The following NTN1 variants were observed in gnomAD, a reference collection of about 807,000 sequenced individuals.
The protein encoded by NTN1 is netrin 1.
In NTN1, 11 loss-of-function variants were observed where a neutral mutation model predicts 54.2. The observed-to-expected ratio is 0.20, with a 90% CI of 0.13 to 0.34. The LOEUF (loss-of-function observed/expected upper bound fraction) is 0.34. Ranked by LOEUF, NTN1 falls within the 10% of genes least tolerant of loss-of-function variation. The pLI is 1.00. For missense variants in NTN1, 740 were observed against 893.1 expected, an observed-to-expected ratio of 0.83 and a Z score of 2.18; for synonymous variants, 371 against 382.0, an observed-to-expected ratio of 0.97 and a Z score of 0.33.
intron 2 of NTN1, among the ~76,000 whole-genome samples, chr17:9,112,242 A>G (rs1397871667): frequency 6.6e-6 from 1 of 152,232 alleles, no homozygotes; most frequent in Admixed American, 6.5e-5. Context: ...TTTTGAAGAT[A>G]AGTAAAGAGA....
chr17:9,040,797 CTT>C (rs147482508), intron 2 of NTN1, among the ~76,000 whole-genome samples: 1 of 148,480 alleles, frequency 6.7e-6, no homozygotes, highest in African/African-American at 2.5e-5. Context: ...CTCTTTCTTA[CTT>C]TTTTTTTTGT....
chr17:9,144,944 A>G (rs2092309012), intron 2 of NTN1, among the ~76,000 whole-genome samples: 1 of 152,206 alleles, frequency 6.6e-6, no homozygotes, highest in South Asian at 2.1e-4. Context: ...AGGCAGACAC[A>G]CCGGTCTGTG....
intron 3 of NTN1, chr17:9,178,829 A>C (rs956794338): frequency 6.6e-6 from 1 of 152,410 alleles, no homozygotes; most frequent in Non-Finnish European, 1.5e-5. Flanking sequence ...AGGACTTAGC[A>C]GGGAACGCTG....
intron 2 of NTN1, among the ~76,000 whole-genome samples, chr17:9,156,279 A>G (rs1394814624): frequency 2.0e-5 from 3 of 149,134 alleles, no homozygotes; most frequent in Non-Finnish European, 4.4e-5. Flanking sequence ...TATGCTACAG[A>G]GATAACATGG....
At chr17:9,007,775 A>C in the NTN1 span, among the ~76,000 whole-genome samples, 1 of 151,030 alleles carries the variant, frequency 6.6e-6, no homozygotes, top group Non-Finnish European at 1.5e-5. Flanking sequence ...TCTGTCACCC[A>C]GGCTGGAGTA....
At chr17:9,109,941 G>C (rs2092184444) in intron 2 of NTN1, among the ~76,000 whole-genome samples, 1 of 152,218 alleles carries the variant, frequency 6.6e-6, no homozygotes, top group Non-Finnish European at 1.5e-5. Context: ...TTCATAGCTA[G>C]TGTGTGTCTT....
chr17:9,236,834 G>C (rs535083352), intron 6 of NTN1, among the ~76,000 whole-genome samples: 1 of 152,354 alleles, frequency 6.6e-6, no homozygotes, highest in East Asian at 1.9e-4. Context: ...ACAGGGGGCT[G>C]CTTTGGATGC....
At chr17:9,043,737 C>CCAT (rs2091931015) in intron 2 of NTN1, among the ~76,000 whole-genome samples, 1 of 151,962 alleles carries the variant, frequency 6.6e-6, no homozygotes, top group Admixed American at 6.6e-5. Context: ...TGTGTCACCA[C>CCAT]GCCTGGCTAA....
intron 2 of NTN1, among the ~76,000 whole-genome samples, chr17:9,076,067 TC>T (rs2142220043): frequency 6.6e-6 from 1 of 152,264 alleles, no homozygotes; most frequent in South Asian, 2.1e-4. Context: ...AGGAGGTGAT[TC>T]CCCATGGTCC....
At chr17:9,193,938 A>AAAAAAAAAAAAAAAACAAAAAAC in intron 5 of NTN1, among the ~76,000 whole-genome samples, 1 of 108,402 alleles carries the variant, frequency 9.2e-6, no homozygotes, top group Non-Finnish European at 1.9e-5. Flanking sequence ...AAAAAAAAAA[A>AAAAAAAAAAAAAAAACAAAAAAC]AAAAAACATT....
chr17:9,098,936 C>T (rs981251918), intron 2 of NTN1, among the ~76,000 whole-genome samples: 1 of 152,216 alleles, frequency 6.6e-6, no homozygotes, highest in African/African-American at 2.4e-5. Context: ...AGGGAACACA[C>T]TGGTAACATT....
chr17:9,168,342 G>A (rs951524576), intron 3 of NTN1, among the ~76,000 whole-genome samples: 2 of 152,158 alleles, frequency 1.3e-5, no homozygotes, highest in African/African-American at 4.8e-5. Context: ...AGACTAGCCT[G>A]ACCAACATGG....
the NTN1 span, among the ~76,000 whole-genome samples, chr17:9,008,940 C>T: frequency 1.3e-5 from 2 of 152,180 alleles, no homozygotes; most frequent in African/African-American, 4.8e-5. Flanking sequence ...ACCTGGGAGG[C>T]TGAGGCAGGA....
intron 6 of NTN1, among the ~76,000 whole-genome samples, chr17:9,237,245 C>G (rs933708627): frequency 6.6e-6 from 1 of 152,164 alleles, no homozygotes; most frequent in African/African-American, 2.4e-5. Flanking sequence ...AAGTCCTCTC[C>G]TGGCTTGTAG....
rs1395599503 is a variant in NTN1 at position 9,165,120 on chromosome 17, G to GT, written c.1207+2120dup. Among the ~76,000 whole-genome samples, 1 of 152,210 alleles carries GT rather than the reference G, an allele frequency of 6.6e-6. No individual in the cohort carries two copies. The highest frequency in any genetic ancestry group is 1.5e-5 in the Non-Finnish European group (1 of 68,048). On this transcript the variant is annotated intron_variant, in intron 3 of 6. Transcript: ENST00000173229. This position sits in a 1 kb window ranked among gnomAD's most constrained non-coding sequence, Gnocchi z 4.5. ...CCAACAGCGGCCACTCAGGTGGGCAGTCCTGTGCCTGAGAGTGAGAAGGTC... is the reference window on the plus strand; with the variant it reads ...CCAACAGCGGCCACTCAGGTGGGCAGTTCCTGTGCCTGAGAGTGAGAAGGTC...
intron 2 of NTN1, among the ~76,000 whole-genome samples, chr17:9,054,725 G>A (rs982541832): frequency 2.6e-5 from 4 of 152,118 alleles, no homozygotes; most frequent in Admixed American, 2.6e-4. Flanking sequence ...GGGACGACGA[G>A]GGGCTATGTT....
chr17:9,035,695 T>C (rs1267064199), intron 2 of NTN1, among the ~76,000 whole-genome samples: 1 of 152,122 alleles, frequency 6.6e-6, no homozygotes, highest in Non-Finnish European at 1.5e-5. Flanking sequence ...GGATCACAGG[T>C]GCACATCACC....
At chr17:9,003,573 G>A in the NTN1 span, among the ~76,000 whole-genome samples, 1 of 148,116 alleles carries the variant, frequency 6.8e-6, no homozygotes, top group Non-Finnish European at 1.5e-5. The surrounding 1 kb of genome is among the most constrained non-coding windows in gnomAD (Gnocchi z 7.4). Flanking sequence ...CGCGCTCGGC[G>A]GCCGGCCAAG....
chr17:9,123,043 C>T (rs2092236162), intron 2 of NTN1, among the ~76,000 whole-genome samples: 1 of 152,126 alleles, frequency 6.6e-6, no homozygotes, highest in African/African-American at 2.4e-5. Flanking sequence ...TCAGTGTCCC[C>T]TTCAGATAAA....
Sources: gnomAD v4.1 joint callset for allele counts (sites outside exome capture counted in the v4.1 genomes callset) on GRCh38, gnomAD v4.1.1 for gene constraint, Gnocchi (gnomAD v3.1) non-coding constraint, MANE v1.5 for transcripts, NCBI Gene and HGNC (gene_info 2026-07-23, HGNC 2026-07-21) for gene names.